Variants in TLN2 observed in about 807,000 individuals in gnomAD.
TLN2 encodes the protein talin-2.
In TLN2, 118 loss-of-function variants were observed where a neutral mutation model predicts 294.7. That is an observed-to-expected ratio of 0.40 (90% CI 0.34 to 0.47). The LOEUF (loss-of-function observed/expected upper bound fraction) is 0.47, where lower values mean the gene tolerates loss of function less well. Ranked by LOEUF, TLN2 falls within the 20% of genes least tolerant of loss-of-function variation. TLN2 has a pLI of 0.84. For synonymous variants in TLN2, 1,431 were observed against 1,304.5 expected, an observed-to-expected ratio of 1.10 and a Z score of -2.09; for missense variants, 3,083 against 3,282.2, an observed-to-expected ratio of 0.94 and a Z score of 1.48.
Position 62,725,031 on chromosome 15 carries a change from C to A in TLN2, c.3182C>A (p.Thr1061Lys), listed in dbSNP as rs573467780. ...EIDSALNTVQ[T>K]LKNELQDAKM... is the part of the protein sequence containing the mutation. ...GATTCAGCTCTGAATACGGTGCAGA[C>A]GCTTAAGAATGAACTGCAGGATGCC... Residue 1061 changes from threonine (T) to lysine (K), a missense_variant, in exon 27 of 59, where the codon ACG becomes AAG. Transcript: ENST00000636159. 4 of 1,613,560 alleles carry A rather than the reference C, an allele frequency of 2.5e-6. No homozygotes were observed. The Admixed American group carries it at 6.7e-5, about 27-fold the overall frequency.
At chr15:62,687,601 A>C (rs1453893424) in intron 12 of TLN2, among the ~76,000 whole-genome samples, 2 of 152,252 alleles carry the variant, frequency 1.3e-5, no homozygotes, top group Non-Finnish European at 2.9e-5. Flanking sequence ...ATGTGCAATA[A>C]GAAAAATCAA....
At position 62,823,489 on chromosome 15, in the gene TLN2, C is replaced by G. The variant is rs373207617; in HGVS notation, c.7002+2879C>G. 4.6e-5 allele frequency among the ~76,000 whole-genome samples: 7 copies of G among 152,164 alleles called. No individual in the cohort carries two copies. The East Asian group carries it at 9.6e-4, about 21-fold the overall frequency. ...AATTGCTTATTACATCCCTATAACC[C>G]TACCCTGGTACACACACATGCCTTC... On this transcript the variant is annotated intron_variant, in intron 54 of 58. Coordinates refer to ENST00000636159, the MANE Select transcript of TLN2 (RefSeq NM_015059.3).
At chr15:62,672,334 A>G (rs2055532491) in intron 9 of TLN2, among the ~76,000 whole-genome samples, 1 of 152,190 alleles carries the variant, frequency 6.6e-6, no homozygotes, top group African/African-American at 2.4e-5. Context: ...TTTTAAAAAA[A>G]TCTTTGTAGG....
intron 1 of TLN2, among the ~76,000 whole-genome samples, chr15:62,457,778 T>C (rs1337304714): frequency 1.3e-5 from 2 of 151,676 alleles, no homozygotes; most frequent in Non-Finnish European, 2.9e-5. Context: ...GGCGAGGGAG[T>C]CTTGGGGGCT....
rs1393269398 is a variant in TLN2, at chr15:62,748,244, G to A, written c.4026-107G>A. 20 of 842,284 alleles carry A rather than the reference G, an allele frequency of 2.4e-5. No homozygotes were observed. In the South Asian group the frequency reaches 2.4e-4, roughly 10 times the overall value. The allele number at this position is 842,284 out of a possible 1,614,324, so 52.2% of individuals were successfully genotyped here. A position where few individuals can be genotyped will look rare whatever the true frequency, so the allele number is the denominator to read the frequency against. ...TGCAGAAGAGTTCTCCTGGGGACCC[G>A]AGCTGAAATAGTGAATTAATTGTAT... On this transcript the variant is annotated intron_variant, in intron 32 of 58. Coordinates refer to ENST00000636159, the MANE Select transcript of TLN2 (RefSeq NM_015059.3).
intron 1 of TLN2, among the ~76,000 whole-genome samples, chr15:62,391,551 C>G (rs937080055): frequency 3.3e-5 from 5 of 152,138 alleles, no homozygotes; most frequent in African/African-American, 4.8e-5. Context: ...GTCTTGACTG[C>G]GGAGGGGAGG....
At position 62,840,930 on chromosome 15, in the gene TLN2, G is replaced by A. The variant is rs16945915; in HGVS notation, c.*320G>A. 11,869 of 216,020 alleles carry A rather than the reference G, an allele frequency of 0.055. 1,431 individuals are homozygous for A. The highest frequency in any genetic ancestry group is 0.26 in the African/African-American group (11,082 of 41,994). The allele number at this position is 216,020 out of a possible 1,614,324, so 13.4% of individuals were successfully genotyped here. A position where few individuals can be genotyped will look rare whatever the true frequency, so the allele number is the denominator to read the frequency against. ...TATTATGTTGTTCTCAGACACTTTGGCTTTTGTTGGTCCTTCTCTTAGGCC... is the reference window on the plus strand; with the variant it reads ...TATTATGTTGTTCTCAGACACTTTGACTTTTGTTGGTCCTTCTCTTAGGCC... On this transcript the variant is annotated 3_prime_UTR_variant, in exon 59 of 59. Transcript: ENST00000636159.
intron 31 of TLN2, among the ~76,000 whole-genome samples, chr15:62,740,052 T>TG (rs922362394): frequency 7.3e-5 from 11 of 151,348 alleles, no homozygotes; most frequent in African/African-American, 2.7e-4. Flanking sequence ...TTTTTGTTTT[T>TG]TTTTTTTTTT....
At chr15:62,571,012 A>T (rs142378366) in intron 1 of TLN2, among the ~76,000 whole-genome samples, 72 of 152,120 alleles carry the variant, frequency 4.7e-4, no homozygotes, top group African/African-American at 1.7e-3. Context: ...ACCCAGCTGT[A>T]GTCAGCCTGG....
At chr15:62,827,599 C>T (rs1014713355) in intron 54 of TLN2, 3 of 152,092 alleles carry the variant, frequency 2.0e-5, no homozygotes, top group Non-Finnish European at 2.9e-5. Context: ...AGCTGGTGCC[C>T]ATCTATGCTG....
At chr15:62,766,194 C>G in intron 40 of TLN2, 127 bp from the exon 41 acceptor site, 1 of 702,380 alleles carries the variant, frequency 1.4e-6, no homozygotes, top group Non-Finnish European at 2.3e-6. Context: ...GGCTTGATGG[C>G]ACACACGCAG....
At chr15:62,763,291 G>T (rs547748309) in intron 39 of TLN2, 8 of 223,354 alleles carry the variant, frequency 3.6e-5, no homozygotes, top group African/African-American at 7.4e-5. Context: ...AGTCCAAATT[G>T]CTTCCTTTGC....
At chr15:62,697,643 A>G in intron 14 of TLN2, 45 bp from the exon 15 acceptor site, 6 of 1,563,950 alleles carry the variant, frequency 3.8e-6, no homozygotes, top group South Asian at 1.2e-5. Flanking sequence ...ATTGCACTCC[A>G]CATGGCTGGT....
At chr15:62,753,721 G>C (rs2062065920) in intron 35 of TLN2, 52 bp from the exon 36 acceptor site, 1 of 1,544,970 alleles carries the variant, frequency 6.5e-7, no homozygotes. Context: ...TCCCCAGCAG[G>C]CTCACCTAGG....
At chr15:62,589,052 T>C (rs186578056) in intron 1 of TLN2, among the ~76,000 whole-genome samples, 139 of 152,236 alleles carry the variant, frequency 9.1e-4, no homozygotes, top group Admixed American at 5.1e-3. Flanking sequence ...ATATGAATCC[T>C]GTATCTGGAT....
chr15:62,459,144 G>T (rs1421397245), intron 1 of TLN2, among the ~76,000 whole-genome samples: 1 of 152,016 alleles, frequency 6.6e-6, no homozygotes, highest in East Asian at 1.9e-4. Flanking sequence ...GGGACTACAG[G>T]TTCCTGCCAC....
chr15:62,688,894 T>C (rs768034678), intron 12 of TLN2, among the ~76,000 whole-genome samples: 3 of 152,162 alleles, frequency 2.0e-5, no homozygotes, highest in African/African-American at 4.8e-5. Flanking sequence ...TATACTGTTA[T>C]ATTTGAAATG....
chr15:62,562,332 G>A (rs528072033), intron 1 of TLN2, among the ~76,000 whole-genome samples: 166 of 152,234 alleles, frequency 1.1e-3, no homozygotes, highest in Non-Finnish European at 1.7e-3. Flanking sequence ...GGCATCGTGG[G>A]ACAGTTGCCT....
At chr15:62,588,665 CAT>C (rs3055752) in intron 1 of TLN2, among the ~76,000 whole-genome samples, 7,371 of 70,810 alleles carry the variant, frequency 0.1, 251 homozygotes, top group Non-Finnish European at 0.13. Flanking sequence ...ACATTTTTTT[CAT>C]ATATATATAT....
Sources: gnomAD v4.1 joint callset for allele counts (sites outside exome capture counted in the v4.1 genomes callset) on GRCh38, gnomAD v4.1.1 for gene constraint, MANE v1.5 for transcripts, NCBI Gene and HGNC (gene_info 2026-07-23, HGNC 2026-07-21) for gene names.